TENM3: variants seen among roughly 807,000 people sequenced by gnomAD.
TENM3 encodes the protein teneurin transmembrane protein 3.
TENM3 carries 63 observed loss-of-function variants against 255.1 expected under a neutral mutation model. The observed-to-expected ratio is 0.25, with a 90% confidence interval of 0.20 to 0.30. TENM3 has a LOEUF of 0.30. Ranked by LOEUF, TENM3 falls within the 10% of genes least tolerant of loss-of-function variation. TENM3 has a pLI of 1.00. For synonymous variants in TENM3, 1,306 were observed against 1,322.3 expected (o/e 0.99, Z 0.27); for missense variants, 2,929 against 3,461.1 (o/e 0.85, Z 3.86).
chr4:181,718,585 T>C, the TENM3 span, among the ~76,000 whole-genome samples: 1 of 152,224 alleles, frequency 6.6e-6, no homozygotes, highest in Non-Finnish European at 1.5e-5. Context: ...GAATCCAAGC[T>C]TACCAAGGGT....
chr4:182,426,170 C>A (rs570026625), intron 3 of TENM3, among the ~76,000 whole-genome samples: 2 of 152,074 alleles, frequency 1.3e-5, no homozygotes, highest in East Asian at 3.9e-4. Flanking sequence ...ACATGTGAAC[C>A]ATAAGTTCAG....
chr4:182,688,383 T>G, intron 12 of TENM3, 32 bp downstream of exon 12: 1 of 1,489,316 alleles, frequency 6.7e-7, no homozygotes, highest in Non-Finnish European at 9.0e-7. Context: ...GTCTGTCCCC[T>G]TCCTCCCAGA....
At chr4:182,626,217 C>T (rs1036307085) in intron 4 of TENM3, among the ~76,000 whole-genome samples, 1 of 152,128 alleles carries the variant, frequency 6.6e-6, no homozygotes, top group Non-Finnish European at 1.5e-5. Context: ...ATGACATAGT[C>T]CATCTTCTTA....
At chr4:182,780,684 A>G (rs1765098996) in intron 24 of TENM3, among the ~76,000 whole-genome samples, 1 of 149,676 alleles carries the variant, frequency 6.7e-6, no homozygotes, top group African/African-American at 2.5e-5. Context: ...CTTCCTACCC[A>G]TGAGCATGGA....
At chr4:182,483,081 A>G (rs891585477) in intron 3 of TENM3, among the ~76,000 whole-genome samples, 1 of 46,170 alleles carries the variant, frequency 2.2e-5, no homozygotes, top group Non-Finnish European at 6.6e-5. Context: ...GGAGCATATC[A>G]TCACCACAAT....
chr4:182,391,441 GA>G (rs2150982476), intron 3 of TENM3, among the ~76,000 whole-genome samples: 1 of 152,312 alleles, frequency 6.6e-6, no homozygotes, highest in African/African-American at 2.4e-5. Context: ...GGCTTGAATA[GA>G]CACAGTTAAA....
chr4:181,684,531 T>A, the TENM3 span, among the ~76,000 whole-genome samples: 15 of 152,210 alleles, frequency 9.9e-5, 1 homozygote, highest in Non-Finnish European at 5.9e-5. Context: ...ACTGGCCACA[T>A]TAGATTTCTT....
At chr4:181,921,501 G>T in the TENM3 span, among the ~76,000 whole-genome samples, 6 of 152,190 alleles carry the variant, frequency 3.9e-5, no homozygotes, top group Admixed American at 3.9e-4. Context: ...AAGCAATTGT[G>T]AATGGGAGTT....
the TENM3 span, among the ~76,000 whole-genome samples, chr4:182,084,200 A>T: frequency 1.3e-5 from 2 of 152,116 alleles, no homozygotes; most frequent in African/African-American, 2.4e-5. Context: ...GCTGGGGGGA[A>T]AAAATAAGCT....
chr4:181,869,621 C>T, the TENM3 span, among the ~76,000 whole-genome samples: 97 of 152,164 alleles, frequency 6.4e-4, no homozygotes, highest in African/African-American at 2.2e-3. Context: ...TATACAACTA[C>T]TAGGTACCCA....
At chr4:182,270,580 C>T (rs1759549322) in intron 1 of TENM3, among the ~76,000 whole-genome samples, 1 of 152,138 alleles carries the variant, frequency 6.6e-6, no homozygotes, top group Non-Finnish European at 1.5e-5. Flanking sequence ...TCTCCAGGGT[C>T]CCCTTGGCTC....
chr4:181,464,074 C>T, the TENM3 span, among the ~76,000 whole-genome samples: 1,279 of 152,170 alleles, frequency 8.4e-3, 13 homozygotes, highest in African/African-American at 0.028. Flanking sequence ...TGAGTTGTTT[C>T]GAGTTTTGGA....
At chr4:182,621,901 G>T (rs1333511783) in intron 4 of TENM3, among the ~76,000 whole-genome samples, 1 of 142,994 alleles carries the variant, frequency 7.0e-6, no homozygotes, top group African/African-American at 2.6e-5. Flanking sequence ...CTTGGGGCTG[G>T]GAGGTCAAGG....
At chr4:182,095,520 T>A in the TENM3 span, among the ~76,000 whole-genome samples, 1 of 151,970 alleles carries the variant, frequency 6.6e-6, no homozygotes, top group Non-Finnish European at 1.5e-5. Flanking sequence ...GAGAGTAGAA[T>A]GAGGGTTACC....
chr4:182,426,018 A>AAAAAAAAAAAAAC, intron 3 of TENM3, among the ~76,000 whole-genome samples: 4 of 151,450 alleles, frequency 2.6e-5, no homozygotes, highest in African/African-American at 9.7e-5. Context: ...AAAAAAAAAA[A>AAAAAAAAAAAAAC]AAAAAAAAAA....
At position 182,738,390 on chromosome 4, in the gene TENM3, T is replaced by C. The variant is rs940505345; in HGVS notation, c.3236-11T>C. The C allele has an allele frequency of 3.1e-6, 5 of 1,587,986 alleles. No individual in the cohort carries two copies. In the African/African-American group the frequency reaches 5.4e-5, roughly 17 times the overall value. On this transcript the variant is annotated splice_polypyrimidine_tract_variant and intron_variant, in intron 17 of 27. Coordinates refer to ENST00000511685, the MANE Select transcript of TENM3 (RefSeq NM_001080477.4). The stretch of plus-strand genomic sequence containing the variant: ...GTTGGAAAGATGAGCTGTGATTTGT[T>C]TGGATTCCAGTGTCAGTTGGATATG...
At chr4:182,100,160 A>G in the TENM3 span, among the ~76,000 whole-genome samples, 1 of 151,982 alleles carries the variant, frequency 6.6e-6, no homozygotes, top group African/African-American at 2.4e-5. Context: ...ACCACCAAGA[A>G]AATGTCTGAT....
At chr4:182,549,281 A>G (rs774671378) in intron 3 of TENM3, among the ~76,000 whole-genome samples, 15 of 152,256 alleles carry the variant, frequency 9.9e-5, no homozygotes, top group Admixed American at 7.8e-4. Context: ...TACTGTTCAA[A>G]GGAAAATTCA....
At chr4:181,596,324 G>T in the TENM3 span, among the ~76,000 whole-genome samples, 2 of 152,258 alleles carry the variant, frequency 1.3e-5, no homozygotes, top group Admixed American at 6.5e-5. Context: ...GTTTTCACAA[G>T]CTTGCACGGT....
Sources: allele counts gnomAD v4.1 joint callset (sites outside exome capture counted in the v4.1 genomes callset), GRCh38; gene constraint gnomAD v4.1.1; transcripts MANE v1.5; gene names NCBI Gene and HGNC (gene_info 2026-07-23, HGNC 2026-07-21).